Variants in GNAQ observed in about 807,000 individuals in gnomAD.
GNAQ encodes the protein G protein subunit alpha q.
Under a neutral mutation model 43.9 loss-of-function variants are expected in GNAQ, and 8 were observed. The observed-to-expected ratio is 0.18, with a 90% CI of 0.11 to 0.33. The LOEUF (loss-of-function observed/expected upper bound fraction) is 0.33, where lower values mean the gene tolerates loss of function less well. Ranked by LOEUF, GNAQ falls within the 10% of genes least tolerant of loss-of-function variation. The pLI is 1.00. For synonymous variants in GNAQ, 155 were observed against 170.7 expected (o/e 0.91, Z 0.71); for missense variants, 158 against 450.8 (o/e 0.35, Z 5.88).
chr9:77,848,371 CAT>C (rs927842464), intron 2 of GNAQ, among the ~76,000 whole-genome samples: 4 of 152,234 alleles, frequency 2.6e-5, no homozygotes, highest in Non-Finnish European at 5.9e-5. Flanking sequence ...CATACTTTCA[CAT>C]GTCGGAATTC....
chr9:77,830,462 TGACCAG>T (rs1400547684), intron 2 of GNAQ, among the ~76,000 whole-genome samples: 1 of 152,196 alleles, frequency 6.6e-6, no homozygotes, highest in Non-Finnish European at 1.5e-5. Context: ...CCCTGTGTGG[TGACCAG>T]GAGTTCTAAG....
chr9:78,026,408 T>C (rs1282509954), intron 1 of GNAQ, among the ~76,000 whole-genome samples: 5 of 152,222 alleles, frequency 3.3e-5, no homozygotes, highest in Admixed American at 3.3e-4. Flanking sequence ...TATAAGTACT[T>C]TGTTTCAACA....
At chr9:77,937,691 G>A (rs531267423) in intron 1 of GNAQ, among the ~76,000 whole-genome samples, 6 of 151,996 alleles carry the variant, frequency 3.9e-5, no homozygotes, top group Admixed American at 6.6e-5. Flanking sequence ...TCAGGAGTTC[G>A]AAATCAGTCT....
chr9:77,832,938 C>T (rs1034136593), intron 2 of GNAQ, among the ~76,000 whole-genome samples: 13 of 152,010 alleles, frequency 8.6e-5, no homozygotes, highest in Admixed American at 6.6e-4. Context: ...TAACTGCAGG[C>T]CTGAAGGAAA....
intron 1 of GNAQ, among the ~76,000 whole-genome samples, chr9:77,931,472 TC>T (rs749384020): frequency 1.3e-4 from 19 of 151,960 alleles, no homozygotes; most frequent in Non-Finnish European, 2.6e-4. Flanking sequence ...GCACCTGTGG[TC>T]CCAGCTACTC....
intron 2 of GNAQ, among the ~76,000 whole-genome samples, chr9:77,837,061 T>A (rs1451526244): frequency 1.3e-5 from 2 of 152,214 alleles, no homozygotes; most frequent in Non-Finnish European, 2.9e-5. Flanking sequence ...TAAATGGACA[T>A]ATGAAATTCA....
chr9:77,753,004 G>T (rs1024590703), intron 5 of GNAQ, among the ~76,000 whole-genome samples: 4 of 148,756 alleles, frequency 2.7e-5, no homozygotes, highest in African/African-American at 7.5e-5. Flanking sequence ...GGAGAATGGC[G>T]TGAACCCGGG....
intron 2 of GNAQ, among the ~76,000 whole-genome samples, chr9:77,839,629 A>G (rs533012670): frequency 6.6e-6 from 1 of 152,344 alleles, no homozygotes; most frequent in South Asian, 2.1e-4. Flanking sequence ...GCCTGCCCTG[A>G]AGCATCATGT....
chr9:77,912,921 A>T (rs1342671508), intron 2 of GNAQ, among the ~76,000 whole-genome samples: 2 of 152,162 alleles, frequency 1.3e-5, no homozygotes, highest in Non-Finnish European at 2.9e-5. Context: ...GGACTGCTTG[A>T]GCCCAGGAGT....
chr9:77,720,982 G>C lies in GNAQ; in HGVS notation c.*341C>G. The stretch of plus-strand genomic sequence containing the variant: ...AAAAAAGGGAAATCAGCTTTGTTTT[G>C]CTCCATAGAAAAGAAAAAGAGAGAG... On this transcript the variant is annotated 3_prime_UTR_variant, in exon 7 of 7. Transcript: ENST00000286548. The C allele has an allele frequency of 3.9e-6, 1 of 258,142 alleles. No homozygotes were observed. The highest frequency in any genetic ancestry group is 2.2e-5 in the African/African-American group (1 of 46,078). The allele number at this position is 258,142 out of a possible 1,614,324, so 16.0% of individuals were successfully genotyped here.
chr9:77,896,958 T>C (rs1243712737), intron 2 of GNAQ, among the ~76,000 whole-genome samples: 1 of 152,128 alleles, frequency 6.6e-6, no homozygotes, highest in Non-Finnish European at 1.5e-5. Context: ...TGTTTTGTCC[T>C]CCAGAAGTTA....
At chr9:77,934,064 C>T (rs1829193619) in intron 1 of GNAQ, among the ~76,000 whole-genome samples, 1 of 152,188 alleles carries the variant, frequency 6.6e-6, no homozygotes, top group Non-Finnish European at 1.5e-5. Context: ...ATTTGAAATG[C>T]CATTTTCCAC....
intron 5 of GNAQ, among the ~76,000 whole-genome samples, chr9:77,778,877 T>G (rs1826345581): frequency 6.6e-6 from 1 of 151,922 alleles, no homozygotes; most frequent in African/African-American, 2.4e-5. Flanking sequence ...CAAAAAACTC[T>G]AACAATCCTT....
intron 4 of GNAQ, among the ~76,000 whole-genome samples, 153 bp downstream of exon 4, chr9:77,797,367 G>C (rs918951606): frequency 2.0e-5 from 3 of 152,058 alleles, no homozygotes; most frequent in African/African-American, 7.3e-5. Context: ...CTCCCTCAGG[G>C]ATATGTCATT....
At chr9:77,900,243 G>A (rs1021661106) in intron 2 of GNAQ, among the ~76,000 whole-genome samples, 5 of 152,090 alleles carry the variant, frequency 3.3e-5, no homozygotes, top group Non-Finnish European at 5.9e-5. Flanking sequence ...GAGGCCAGAG[G>A]TATTCCACAT....
chr9:77,956,072 G>C (rs530651993), intron 1 of GNAQ, among the ~76,000 whole-genome samples: 10 of 152,004 alleles, frequency 6.6e-5, no homozygotes, highest in Non-Finnish European at 1.3e-4. Context: ...TGTCTTTTTT[G>C]TTATGAAATA....
intron 2 of GNAQ, among the ~76,000 whole-genome samples, chr9:77,854,755 G>C (rs1050920777): frequency 1.3e-5 from 2 of 152,176 alleles, no homozygotes; most frequent in Admixed American, 1.3e-4. Context: ...GCAATCTACA[G>C]GGACCAAAGG....
chr9:77,778,765 A>G (rs749302013), intron 5 of GNAQ, among the ~76,000 whole-genome samples: 11 of 152,132 alleles, frequency 7.2e-5, no homozygotes, highest in Non-Finnish European at 1.5e-4. Flanking sequence ...TAATGAAAAG[A>G]CAAGTAGCTA....
chr9:77,996,677 C>CAA (rs3083223), intron 1 of GNAQ, among the ~76,000 whole-genome samples: 53 of 105,574 alleles, frequency 5.0e-4, no homozygotes, highest in African/African-American at 1.7e-3. Context: ...GACTCCATCT[C>CAA]AAAAAAAAAA....
Sources: allele counts gnomAD v4.1 joint callset (sites outside exome capture counted in the v4.1 genomes callset), GRCh38; gene constraint gnomAD v4.1.1; transcripts MANE v1.5; gene names NCBI Gene and HGNC (gene_info 2026-07-23, HGNC 2026-07-21).